CLEC12A: variants seen among roughly 807,000 people sequenced by gnomAD.
CLEC12A encodes C-type lectin protein CLL-1.
CLEC12A carries 22 observed loss-of-function variants against 26.5 expected under a neutral mutation model. That is an observed-to-expected ratio of 0.83 (90% CI 0.59 to 1.19). CLEC12A has a LOEUF of 1.19. Among genes scored for constraint, CLEC12A ranks in the 50% most tolerant of loss-of-function variants. The pLI is 0.00. For missense variants in CLEC12A, 353 were observed against 315.6 expected, an observed-to-expected ratio of 1.12 and a Z score of -0.90; for synonymous variants, 119 against 101.9, an observed-to-expected ratio of 1.17 and a Z score of -1.01.
downstream of CLEC12A, chr12:9,998,318 C>G: frequency 1.2e-6 from 2 of 1,614,050 alleles, no homozygotes; most frequent in Non-Finnish European, 1.7e-6. Flanking sequence ...ACAACCATCC[C>G]CACGCACAGG....
At chr12:9,982,727 T>C (rs549290612) in intron 5 of CLEC12A, among the ~76,000 whole-genome samples, 28 of 152,278 alleles carry the variant, frequency 1.8e-4, no homozygotes, top group Non-Finnish European at 2.9e-4. Context: ...GTTTTCAGTG[T>C]AACCATAACC....
At chr12:9,983,692 A>G (rs1350116947) in intron 5 of CLEC12A, 5 of 535,284 alleles carry the variant, frequency 9.3e-6, no homozygotes, top group Non-Finnish European at 1.6e-5. Flanking sequence ...ATCCCTGCAT[A>G]CTCATCACAT....
intron 1 of CLEC12A, 139 bp downstream of exon 1, chr12:9,971,826 A>C (rs936370239): frequency 6.4e-5 from 40 of 624,836 alleles, no homozygotes; most frequent in South Asian, 4.7e-4. Flanking sequence ...AAAGGAACAA[A>C]AAGTGTATGA....
At chr12:9,987,682 A>G (rs1181978769), downstream of CLEC12A, among the ~76,000 whole-genome samples, 1 of 152,074 alleles carries the variant, frequency 6.6e-6, no homozygotes, top group African/African-American at 2.4e-5. Flanking sequence ...GCTTACAACT[A>G]CCTTCCATAA....
intron 1 of CLEC12A, among the ~76,000 whole-genome samples, chr12:9,972,461 G>A (rs1399050449): frequency 6.6e-6 from 1 of 152,216 alleles, no homozygotes; most frequent in East Asian, 1.9e-4. Flanking sequence ...CTGGCTCCTA[G>A]CCTTTTGGGA....
At chr12:10,002,154 T>A in the CLEC12A span, among the ~76,000 whole-genome samples, 205 of 152,296 alleles carry the variant, frequency 1.3e-3, no homozygotes, top group African/African-American at 4.9e-3. Context: ...GTGCTGGGAT[T>A]ACAGGCTTTA....
chr12:9,959,095 C>T (rs935858468), intron 1 of CLEC12A, among the ~76,000 whole-genome samples: 14 of 152,168 alleles, frequency 9.2e-5, no homozygotes, highest in Admixed American at 4.6e-4. Flanking sequence ...TCATCTGCAT[C>T]TTGTTACTGG....
At chr12:9,951,623 C>G (rs951410247) in intron 1 of CLEC12A, 3 of 475,378 alleles carry the variant, frequency 6.3e-6, no homozygotes, top group Non-Finnish European at 1.2e-5. Context: ...TTGAACTAGC[C>G]CAACAAACAG....
At chr12:9,988,524 A>G (rs1259843547), downstream of CLEC12A, among the ~76,000 whole-genome samples, 2 of 152,220 alleles carry the variant, frequency 1.3e-5, no homozygotes, top group African/African-American at 4.8e-5. Flanking sequence ...ACAAGAAAAA[A>G]CAAACAACCC....
chr12:9,964,920 G>T (rs1019854478), intron 1 of CLEC12A, among the ~76,000 whole-genome samples: 1 of 152,182 alleles, frequency 6.6e-6, no homozygotes, highest in Non-Finnish European at 1.5e-5. Flanking sequence ...TAGGGGTCAG[G>T]TGTGGTATCC....
At chr12:9,954,188 C>T (rs1344055172) in intron 1 of CLEC12A, among the ~76,000 whole-genome samples, 1 of 110,172 alleles carries the variant, frequency 9.1e-6, no homozygotes, top group Admixed American at 1.2e-4. Context: ...CTGTGAGAAA[C>T]ACCCAAGAAT....
intron 4 of CLEC12A, chr12:9,991,083 T>G (rs1456172913): frequency 2.0e-5 from 3 of 152,196 alleles, no homozygotes; most frequent in African/African-American, 7.2e-5. Context: ...TTAATGTGAC[T>G]CACTTTATTG....
At chr12:9,980,460 A>T in intron 3 of CLEC12A, 122 bp from the exon 4 acceptor site, 3 of 1,003,696 alleles carry the variant, frequency 3.0e-6, no homozygotes, top group African/African-American at 1.7e-5. Context: ...GGGGAAAGAG[A>T]GAAAGAAAAA....
intron 4 of CLEC12A, chr12:9,993,219 G>A (rs1041909532): frequency 6.2e-7 from 1 of 1,612,676 alleles, no homozygotes; most frequent in Non-Finnish European, 8.5e-7. Flanking sequence ...ACAGAAGGTA[G>A]GGTGCATTTT....
intron 4 of CLEC12A, among the ~76,000 whole-genome samples, chr12:9,994,513 A>G (rs1383827882): frequency 6.6e-6 from 1 of 152,144 alleles, no homozygotes. Context: ...ATACAGGATG[A>G]ACAAAAGATG....
At chr12:9,989,141 C>G (rs554749338), downstream of CLEC12A, among the ~76,000 whole-genome samples, 1 of 147,246 alleles carries the variant, frequency 6.8e-6, no homozygotes, top group Admixed American at 7.1e-5. Context: ...CATGTTCTCA[C>G]TCATAGGTGG....
At chr12:9,989,225 A>AG (rs1342651332), downstream of CLEC12A, among the ~76,000 whole-genome samples, 2 of 57,056 alleles carry the variant, frequency 3.5e-5, no homozygotes, top group South Asian at 6.3e-4. Flanking sequence ...GGATGGGGGG[A>AG]GGGGGGAGGG....
downstream of CLEC12A, among the ~76,000 whole-genome samples, chr12:9,999,975 A>G (rs1331885154): frequency 6.6e-6 from 1 of 152,218 alleles, no homozygotes; most frequent in Non-Finnish European, 1.5e-5. Flanking sequence ...GGGCTTTTAC[A>G]TTATTTTAGC....
chr12:9,986,971 C>T (rs1041965492), downstream of CLEC12A, among the ~76,000 whole-genome samples: 1 of 152,088 alleles, frequency 6.6e-6, no homozygotes, highest in African/African-American at 2.4e-5. Context: ...TTAAAAGATG[C>T]TTTTTGAATT....
Sources: gnomAD v4.1 joint callset for allele counts (sites outside exome capture counted in the v4.1 genomes callset) on GRCh38, gnomAD v4.1.1 for gene constraint, MANE v1.5 for transcripts, NCBI Gene and HGNC (gene_info 2026-07-23, HGNC 2026-07-21) for gene names.